NKAIN2: variants seen among roughly 807,000 people sequenced by gnomAD.
NKAIN2 encodes sodium/potassium-transporting ATPase subunit beta-1-interacting protein 2.
Under a neutral mutation model 32.6 loss-of-function variants are expected in NKAIN2, and 14 were observed. That is an observed-to-expected ratio of 0.43 (90% CI 0.28 to 0.67). NKAIN2 has a LOEUF of 0.67. Ranked by LOEUF, NKAIN2 falls within the 30% of genes least tolerant of loss-of-function variation. The pLI is 0.17. For missense variants in NKAIN2, 198 were observed against 258.3 expected (o/e 0.77, Z 1.60); for synonymous variants, 80 against 87.2 (o/e 0.92, Z 0.46).
chr6:124,023,378 C>CT (rs1780959933), intron 1 of NKAIN2, among the ~76,000 whole-genome samples: 1 of 152,098 alleles, frequency 6.6e-6, no homozygotes, highest in Non-Finnish European at 1.5e-5. Context: ...ACTTCTCCCA[C>CT]TTTGTTTTCA....
chr6:124,546,384 G>A (rs575595), intron 3 of NKAIN2, among the ~76,000 whole-genome samples: 106,285 of 151,952 alleles, frequency 0.7, 40,322 homozygotes, highest in East Asian at 1. Flanking sequence ...CTCTTTATAC[G>A]TCATCAAAAA....
chr6:124,260,333 C>T (rs913288598), intron 1 of NKAIN2, among the ~76,000 whole-genome samples: 13 of 151,832 alleles, frequency 8.6e-5, no homozygotes, highest in Non-Finnish European at 1.6e-4. Flanking sequence ...TAAATGCAAA[C>T]GAGAAATAAT....
intron 5 of NKAIN2, among the ~76,000 whole-genome samples, chr6:124,816,074 T>C (rs1781149588): frequency 6.6e-6 from 1 of 152,184 alleles, no homozygotes. Flanking sequence ...AGAAGAGACA[T>C]TCTGCCTTGG....
intron 3 of NKAIN2, among the ~76,000 whole-genome samples, chr6:124,355,745 A>G (rs1798941581): frequency 6.8e-6 from 1 of 148,144 alleles, no homozygotes; most frequent in African/African-American, 2.5e-5. Context: ...TAATTGAAAC[A>G]GTTAATGGGC....
intron 1 of NKAIN2, among the ~76,000 whole-genome samples, chr6:124,046,394 C>G (rs540864608): frequency 1.3e-5 from 2 of 152,064 alleles, no homozygotes; most frequent in East Asian, 3.9e-4. Flanking sequence ...TCTGTAAATA[C>G]TAAATACCAT....
chr6:124,312,848 G>C (rs1416627464), intron 2 of NKAIN2, among the ~76,000 whole-genome samples: 1 of 152,062 alleles, frequency 6.6e-6, no homozygotes, highest in Admixed American at 6.6e-5. Context: ...CCAGTTATGG[G>C]GCCAGACCTA....
chr6:124,407,880 T>G (rs1417555547), intron 3 of NKAIN2, among the ~76,000 whole-genome samples: 2 of 148,352 alleles, frequency 1.3e-5, no homozygotes, highest in Admixed American at 6.7e-5. Flanking sequence ...TTTTTAATGA[T>G]TGCCATTCTA....
chr6:124,294,394 C>G (rs996775007), intron 2 of NKAIN2, among the ~76,000 whole-genome samples: 2 of 152,096 alleles, frequency 1.3e-5, no homozygotes, highest in Admixed American at 6.6e-5. Flanking sequence ...TCATAGCACA[C>G]AGTCTGTTTG....
At chr6:124,718,435 G>A (rs1305443673) in intron 4 of NKAIN2, among the ~76,000 whole-genome samples, 1 of 152,096 alleles carries the variant, frequency 6.6e-6, no homozygotes, top group Non-Finnish European at 1.5e-5. Flanking sequence ...TGCCAAACGT[G>A]TTCCAGTGTA....
intron 1 of NKAIN2, among the ~76,000 whole-genome samples, chr6:124,108,450 T>C (rs1562362482): frequency 6.6e-6 from 1 of 152,182 alleles, no homozygotes; most frequent in East Asian, 1.9e-4. Flanking sequence ...ATATAGTTTG[T>C]AAAAATTTTC....
intron 1 of NKAIN2, among the ~76,000 whole-genome samples, chr6:124,143,480 A>T (rs1412304992): frequency 1.3e-5 from 2 of 148,246 alleles, no homozygotes; most frequent in Non-Finnish European, 3.0e-5. Context: ...AGAAGAAAAA[A>T]GTATCAACAA....
chr6:123,854,644 C>A (rs529261654), intron 1 of NKAIN2, among the ~76,000 whole-genome samples: 1 of 152,242 alleles, frequency 6.6e-6, no homozygotes, highest in East Asian at 1.9e-4. Context: ...TCATCAATAT[C>A]CAAATTTACA....
intron 2 of NKAIN2, among the ~76,000 whole-genome samples, chr6:124,340,179 G>A (rs995683998): frequency 2.6e-5 from 4 of 152,102 alleles, no homozygotes. Flanking sequence ...CTAAAAACAA[G>A]TAGTGATGAA....
intron 3 of NKAIN2, among the ~76,000 whole-genome samples, chr6:124,626,615 A>C (rs1002087309): frequency 6.6e-6 from 1 of 152,184 alleles, no homozygotes; most frequent in Non-Finnish European, 1.5e-5. Context: ...GTAGTCAAAA[A>C]GGGAATTACT....
At chr6:123,872,648 C>A (rs1468105187) in intron 1 of NKAIN2, among the ~76,000 whole-genome samples, 1 of 152,168 alleles carries the variant, frequency 6.6e-6, no homozygotes. Context: ...CTCATGAACA[C>A]ACTACGGCTC....
intron 3 of NKAIN2, among the ~76,000 whole-genome samples, chr6:124,645,395 G>A (rs1023106338): frequency 6.6e-6 from 1 of 152,126 alleles, no homozygotes; most frequent in Non-Finnish European, 1.5e-5. Context: ...GCCTCTTGAG[G>A]CACAGGTCAG....
chr6:123,918,658 C>T (rs555456610), intron 1 of NKAIN2, among the ~76,000 whole-genome samples: 2 of 152,250 alleles, frequency 1.3e-5, no homozygotes, highest in South Asian at 2.1e-4. Flanking sequence ...CTGAGTAAAT[C>T]AGATTACCCT....
intron 2 of NKAIN2, among the ~76,000 whole-genome samples, chr6:124,285,756 A>C (rs1330125694): frequency 6.6e-6 from 1 of 152,160 alleles, no homozygotes; most frequent in African/African-American, 2.4e-5. Flanking sequence ...TCTACTCCTC[A>C]AAAACTTAAC....
intron 1 of NKAIN2, among the ~76,000 whole-genome samples, chr6:124,257,624 T>G (rs2114830346): frequency 6.6e-6 from 1 of 152,238 alleles, no homozygotes; most frequent in Non-Finnish European, 1.5e-5. Context: ...CTACTCTAAT[T>G]TCCAGGATAT....
Sources: allele counts gnomAD v4.1 joint callset (sites outside exome capture counted in the v4.1 genomes callset), GRCh38; gene constraint gnomAD v4.1.1; transcripts MANE v1.5; gene names NCBI Gene and HGNC (gene_info 2026-07-23, HGNC 2026-07-21).